The following TCF4 variants were observed in gnomAD, a reference collection of about 807,000 sequenced individuals.
TCF4 encodes transcription factor 4, also known as SL3-3 enhancer factor 2.
A neutral mutation model predicts 82.1 loss-of-function variants in TCF4; 3 were observed. The observed-to-expected ratio is 0.04, with a 90% CI of 0.02 to 0.09. The LOEUF is 0.09. TCF4 is among the 10% of genes least tolerant of loss of function. The pLI is 1.00. For missense variants in TCF4, 518 were observed against 852.7 expected, an observed-to-expected ratio of 0.61 and a Z score of 4.89; for synonymous variants, 276 against 309.6, an observed-to-expected ratio of 0.89 and a Z score of 1.14.
At chr18:55,617,813 G>C (rs1319627362) in intron 2 of TCF4, among the ~76,000 whole-genome samples, 6 of 125,298 alleles carry the variant, frequency 4.8e-5, no homozygotes, top group African/African-American at 8.9e-5. Flanking sequence ...AATTCTAACT[G>C]TGTGTGTGTG....
intron 5 of TCF4, among the ~76,000 whole-genome samples, chr18:55,409,114 A>G (rs1451207727): frequency 1.3e-5 from 2 of 152,188 alleles, no homozygotes; most frequent in African/African-American, 2.4e-5. Context: ...CTACACCTCT[A>G]TGTGAAGACT....
chr18:55,375,815 T>A (rs1472389261), intron 6 of TCF4, among the ~76,000 whole-genome samples: 1 of 151,970 alleles, frequency 6.6e-6, no homozygotes, highest in Non-Finnish European at 1.5e-5. Context: ...CATTTAAAAG[T>A]ATGAAACTTG....
At chr18:55,363,559 T>G (rs943750176) in intron 6 of TCF4, among the ~76,000 whole-genome samples, 2 of 152,192 alleles carry the variant, frequency 1.3e-5, no homozygotes, top group African/African-American at 4.8e-5. Flanking sequence ...ATCTCAGCAC[T>G]TTGGGAGGCC....
At chr18:55,507,710 G>C (rs2096778536) in intron 3 of TCF4, among the ~76,000 whole-genome samples, 2 of 152,182 alleles carry the variant, frequency 1.3e-5, no homozygotes, top group Admixed American at 6.5e-5. Flanking sequence ...GACACACACA[G>C]AGGGAACCAC....
At chr18:55,401,916 T>G in intron 6 of TCF4, 3 of 843,706 alleles carry the variant, frequency 3.6e-6, no homozygotes, top group Non-Finnish European at 4.3e-6. Flanking sequence ...TCCCCAAAAC[T>G]CTAATGACCT....
chr18:55,538,824 C>T (rs1161095593), intron 3 of TCF4, among the ~76,000 whole-genome samples: 1 of 152,076 alleles, frequency 6.6e-6, no homozygotes, highest in Non-Finnish European at 1.5e-5. Context: ...TAAGATTTTA[C>T]AGGCGAAAAT....
At chr18:55,363,612 T>C (rs552995984) in intron 6 of TCF4, among the ~76,000 whole-genome samples, 1 of 152,126 alleles carries the variant, frequency 6.6e-6, no homozygotes, top group Non-Finnish European at 1.5e-5. Context: ...AAGACCATCC[T>C]GGCCAACACG....
intron 3 of TCF4, among the ~76,000 whole-genome samples, chr18:55,582,057 G>C (rs754973678): frequency 6.6e-5 from 10 of 151,932 alleles, no homozygotes; most frequent in Non-Finnish European, 1.0e-4. Flanking sequence ...ACTTTAAAAC[G>C]ACTTTTTAAA....
intron 6 of TCF4, among the ~76,000 whole-genome samples, chr18:55,389,164 A>G (rs1428202628): frequency 6.6e-6 from 1 of 152,162 alleles, no homozygotes; most frequent in Non-Finnish European, 1.5e-5. Flanking sequence ...CTCAGGGGTC[A>G]TTGGCATGGT....
chr18:55,509,379 TACTC>T lies in TCF4; in HGVS notation c.146-45246_146-45243del, dbSNP rs1380009663. Among the ~76,000 whole-genome samples the T allele has an allele frequency of 4.6e-5, 7 of 151,982 alleles. No individual in the cohort carries two copies. The East Asian group carries it at 1.4e-3, about 29-fold the overall frequency. ...CAAACACTCAAACACCACCACCACA[TACTC>T]AGTTAAGATGCTGGTAGTATCGCTA... On this transcript the variant is annotated intron_variant, in intron 3 of 19. Coordinates refer to ENST00000354452, the MANE Select transcript of TCF4 (RefSeq NM_001083962.2).
chr18:55,261,663 C>T lies in TCF4; in HGVS notation c.923-130G>A, dbSNP rs1183366433. ...TTACAACACATTAATCTTTAATTAG[C>T]ATTAATTTGTTTGCTGAGGTAGATG... On this transcript the variant is annotated intron_variant, in intron 11 of 19. Transcript: ENST00000354452. The T allele has an allele frequency of 4.8e-6, 5 of 1,040,846 alleles. No individual in the cohort carries two copies. In the East Asian group the frequency reaches 1.2e-4, roughly 25 times the overall value. 64.5% of individuals were successfully genotyped at this position (1,040,846 alleles called of 1,614,324 possible). A position where few individuals can be genotyped will look rare whatever the true frequency, so the allele number is the denominator to read the frequency against.
upstream of TCF4, chr18:55,589,854 A>T: frequency 1.0e-6 from 1 of 1,001,638 alleles, no homozygotes; most frequent in Non-Finnish European, 1.2e-6. Context: ...AATGACTGGG[A>T]AGGGGCGGGG....
intron 8 of TCF4, among the ~76,000 whole-genome samples, chr18:55,338,637 G>A (rs2079158175): frequency 6.6e-6 from 1 of 152,100 alleles, no homozygotes; most frequent in Non-Finnish European, 1.5e-5. Flanking sequence ...AGGAATATAT[G>A]GGGTTCCCGA....
chr18:55,441,047 A>G (rs2095429962), intron 5 of TCF4, among the ~76,000 whole-genome samples: 1 of 152,204 alleles, frequency 6.6e-6, no homozygotes, highest in Non-Finnish European at 1.5e-5. Context: ...GGTTCTGCCT[A>G]CACATGGCCT....
rs894679707 is a variant in TCF4 at position 55,361,034 on chromosome 18, C to T, written c.370-10031G>A. Among the ~76,000 whole-genome samples, 2 of 152,040 alleles carry T rather than the reference C, an allele frequency of 1.3e-5. 1 individual carries two copies. Reference sequence around the variant, plus strand: ...GCCACCACACCTGGCCTGCTAACCCCTTTTCTAAAAGAAAGCTACAGGACA... The same window carrying T: ...GCCACCACACCTGGCCTGCTAACCCTTTTTCTAAAAGAAAGCTACAGGACA... On this transcript the variant is annotated intron_variant, in intron 6 of 19. Coordinates refer to ENST00000354452, the MANE Select transcript of TCF4 (RefSeq NM_001083962.2).
intron 5 of TCF4, among the ~76,000 whole-genome samples, chr18:55,415,443 G>C (rs1032999679): frequency 5.9e-5 from 9 of 152,146 alleles, no homozygotes; most frequent in African/African-American, 2.2e-4. Context: ...ACACCAGTCA[G>C]TTCCTATGTG....
At chr18:55,510,743 C>T in intron 3 of TCF4, 1 of 1,347,634 alleles carries the variant, frequency 7.4e-7, no homozygotes, top group Non-Finnish European at 9.5e-7. Context: ...CTCTCCTGTG[C>T]TCCATGGAAA....
At chr18:55,292,468 C>A (rs1311127136) in intron 8 of TCF4, among the ~76,000 whole-genome samples, 2 of 152,112 alleles carry the variant, frequency 1.3e-5, no homozygotes, top group Non-Finnish European at 2.9e-5. Context: ...CAGTTTTACA[C>A]AACAAAAGGC....
chr18:55,446,251 C>T lies in TCF4; in HGVS notation c.304+14768G>A, dbSNP rs145718087. 4.6e-5 allele frequency among the ~76,000 whole-genome samples: 7 copies of T among 152,254 alleles called. No homozygotes were observed. In the East Asian group the frequency reaches 7.7e-4, roughly 17 times the overall value. ...ATGAAAATCAGCATGCTAAGGAGGG[C>T]AGAATGGGAAGAAAGAAACATTGAT... On this transcript the variant is annotated intron_variant, in intron 5 of 19. Coordinates refer to ENST00000354452, the MANE Select transcript of TCF4 (RefSeq NM_001083962.2).
Sources: allele counts gnomAD v4.1 joint callset (sites outside exome capture counted in the v4.1 genomes callset), GRCh38; gene constraint gnomAD v4.1.1; transcripts MANE v1.5; gene names NCBI Gene and HGNC (gene_info 2026-07-23, HGNC 2026-07-21).